The following USP50 variants were observed in gnomAD, a reference collection of about 807,000 sequenced individuals.
The protein encoded by USP50 is ubiquitin specific peptidase 50.
USP50 carries 37 observed loss-of-function variants against 39.2 expected under a neutral mutation model. The ratio of observed to expected loss-of-function variants is 0.94; its 90% confidence interval spans 0.73 to 1.24. The LOEUF is 1.24. Among genes scored for constraint, USP50 ranks in the 50% most tolerant of loss-of-function variants. The pLI is 0.00. For missense variants in USP50, 374 were observed against 398.2 expected (o/e 0.94, Z 0.52); for synonymous variants, 139 against 144.5 (o/e 0.96, Z 0.27).
At chr15:50,493,229 C>A, downstream of USP50, 2 of 506,382 alleles carry the variant, frequency 3.9e-6, no homozygotes, top group East Asian at 5.1e-5. Flanking sequence ...CTTATCACCT[C>A]TTTAAAGGCC....
At chr15:50,537,250 A>G (rs973160035) in intron 5 of USP50, among the ~76,000 whole-genome samples, 9 of 152,108 alleles carry the variant, frequency 5.9e-5, no homozygotes, top group Non-Finnish European at 8.8e-5. Flanking sequence ...AAAAAAAAGA[A>G]GAAGAAGAAG....
At chr15:50,529,206 T>C (rs1461869737) in intron 6 of USP50, among the ~76,000 whole-genome samples, 1 of 152,020 alleles carries the variant, frequency 6.6e-6, no homozygotes, top group Non-Finnish European at 1.5e-5. Flanking sequence ...GGTTCACGGT[T>C]ATTCAACATA....
In USP50 at chr15:50,538,777, G is replaced by A. The variant is rs199957341; in HGVS notation, c.735C>T (p.Thr245=). The A allele has an allele frequency of 6.2e-7, 1 of 1,613,580 alleles. No individual in the cohort carries two copies. The highest frequency in any genetic ancestry group is 8.5e-7 in the Non-Finnish European group (1 of 1,179,736). Residue 245 remains threonine, a synonymous_variant, in exon 5 of 7, where the codon ACC becomes ACT. Transcript: ENST00000532404. ...TGGCCCTCACAGCAGTTTCTTGCTT[G>A]GTTTCACAAAAGGAGCAGTGAATTT... ...NNEIHCSFCE[T]KQETAVRASI...
rs189235437 is a variant in USP50 at position 50,540,945 on chromosome 15, T to C, written c.660+104A>G. The C allele has an allele frequency of 9.5e-5, 82 of 859,588 alleles. No individual in the cohort carries two copies. The African/African-American group carries it at 1.4e-3, about 14-fold the overall frequency. 53.2% of individuals were successfully genotyped at this position (859,588 alleles called of 1,614,324 possible). A position where few individuals can be genotyped will look rare whatever the true frequency, so the allele number is the denominator to read the frequency against. ...AGTCTATTTTTTTTTAAATTAAAGT[T>C]ATAAAGCCGTCTCTCATACTAAACA... On this transcript the variant is annotated intron_variant, in intron 4 of 6. Transcript: ENST00000532404.
downstream of USP50, chr15:50,498,818 A>G: frequency 6.5e-7 from 1 of 1,549,742 alleles, no homozygotes; most frequent in Non-Finnish European, 8.7e-7. Flanking sequence ...AAGAGTAAGA[A>G]CAACATAAAG....
At chr15:50,534,757 G>A (rs923309534) in intron 5 of USP50, among the ~76,000 whole-genome samples, 2 of 151,976 alleles carry the variant, frequency 1.3e-5, no homozygotes, top group Non-Finnish European at 2.9e-5. Context: ...GGATAAAAAG[G>A]GCCATACATA....
At chr15:50,540,777 C>T (rs1363317300) in intron 4 of USP50, among the ~76,000 whole-genome samples, 2 of 152,126 alleles carry the variant, frequency 1.3e-5, no homozygotes, top group Non-Finnish European at 2.9e-5. Flanking sequence ...GTGCCCGCCA[C>T]CATGTCCAAC....
At chr15:50,506,495 A>G (rs1433478716) in intron 6 of USP50, 1 of 152,172 alleles carries the variant, frequency 6.6e-6, no homozygotes, top group Non-Finnish European at 1.5e-5. Flanking sequence ...CAGTGGAAAA[A>G]TTGTCTTCCA....
chr15:50,530,853 A>G (rs1490845671), intron 5 of USP50, among the ~76,000 whole-genome samples: 1 of 152,096 alleles, frequency 6.6e-6, no homozygotes, highest in East Asian at 1.9e-4. Flanking sequence ...GAGCCTATTT[A>G]TTCTAACCAA....
At chr15:50,501,849 A>G (rs942142724) in intron 6 of USP50, 1 of 152,160 alleles carries the variant, frequency 6.6e-6, no homozygotes, top group Non-Finnish European at 1.5e-5. Flanking sequence ...GGTTGGGGAA[A>G]AGATCCAAGT....
rs1449334459 is a variant in USP50 at position 50,538,853 on chromosome 15, T to C, written c.661-2A>G. 6 of 1,592,206 alleles carry C rather than the reference T, an allele frequency of 3.8e-6. No individual in the cohort carries two copies. The South Asian group carries it at 5.8e-5, about 15-fold the overall frequency. Reference sequence around the variant, plus strand: ...TTGAAAAAAACATTGGAGACAGTCCTGTTAAGGAAAAAAAGGATTTGGTGA... The same window carrying C: ...TTGAAAAAAACATTGGAGACAGTCCCGTTAAGGAAAAAAAGGATTTGGTGA... On this transcript the variant is annotated splice_acceptor_variant, in intron 4 of 6. Transcript: ENST00000532404. LOFTEE classifies it high-confidence loss of function.
chr15:50,497,124 C>G (rs776466551), downstream of USP50: 1 of 1,605,048 alleles, frequency 6.2e-7, no homozygotes, highest in Non-Finnish European at 8.5e-7. Flanking sequence ...AAGAAAAACT[C>G]ACAGATAACA....
rs531595244 is a variant in USP50 at position 50,544,150 on chromosome 15, G to T, written c.249-357C>A. On this transcript the variant is annotated intron_variant, in intron 2 of 6. Coordinates refer to ENST00000532404, the MANE Select transcript of USP50 (RefSeq NM_203494.5). Reference sequence around the variant, plus strand: ...GAGGCCAGGAGCTCAAGACCAGCCTGGCCAACATGGTGAAACCCCGTCTCT... The same window carrying T: ...GAGGCCAGGAGCTCAAGACCAGCCTTGCCAACATGGTGAAACCCCGTCTCT... Among the ~76,000 whole-genome samples, 3 of 152,100 alleles carry T rather than the reference G, an allele frequency of 2.0e-5. No homozygotes were observed. The East Asian group carries it at 5.8e-4, about 29-fold the overall frequency.
At chr15:50,493,120 C>T (rs1305067908), downstream of USP50, 2 of 646,582 alleles carry the variant, frequency 3.1e-6, no homozygotes, top group Non-Finnish European at 5.7e-6. Context: ...TTGCTGCATC[C>T]TCACAGGGTA....
At chr15:50,532,061 G>C (rs1276207455) in intron 5 of USP50, 1 of 455,060 alleles carries the variant, frequency 2.2e-6, no homozygotes, top group East Asian at 7.0e-5. Flanking sequence ...GGTCTGCGTA[G>C]GAAAACCTGA....
chr15:50,537,180 A>G (rs538851863), intron 5 of USP50, among the ~76,000 whole-genome samples: 25 of 152,262 alleles, frequency 1.6e-4, no homozygotes, highest in Admixed American at 3.3e-4. Context: ...AGGTAATACA[A>G]TGGAGAAAAG....
downstream of USP50, chr15:50,493,749 A>G (rs2052266872): frequency 4.9e-6 from 2 of 411,716 alleles, no homozygotes; most frequent in Non-Finnish European, 9.2e-6. Context: ...CCCTATCTCA[A>G]AAAAGAGTAA....
In USP50 at chr15:50,545,706, C is replaced by T. The variant is rs147138640; in HGVS notation, c.53+767G>A. On this transcript the variant is annotated intron_variant, in intron 1 of 6. Coordinates refer to ENST00000532404, the MANE Select transcript of USP50 (RefSeq NM_203494.5). ...CTATATACATATAAACACACACACA[C>T]ACATATACACGGAGAGGAGAAAGAG... Among the ~76,000 whole-genome samples, 733 of 151,888 alleles carry T rather than the reference C, an allele frequency of 4.8e-3. 4 individuals carry two copies. Among genetic ancestry groups the T allele is most frequent in the African/African-American group, 0.017 (708 of 41,392 alleles).
intron 5 of USP50, among the ~76,000 whole-genome samples, chr15:50,534,881 C>T (rs2052967562): frequency 1.3e-5 from 2 of 152,142 alleles, no homozygotes; most frequent in South Asian, 2.1e-4. Context: ...TGGCTCATGC[C>T]TGTAATCCCA....
Sources: allele counts gnomAD v4.1 joint callset (sites outside exome capture counted in the v4.1 genomes callset), GRCh38; gene constraint gnomAD v4.1.1; transcripts MANE v1.5; gene names NCBI Gene and HGNC (gene_info 2026-07-23, HGNC 2026-07-21).